Variants in PUS3 observed in about 807,000 individuals in gnomAD.
The protein encoded by PUS3 is pseudouridine synthase 3.
Under a neutral mutation model 43.3 loss-of-function variants are expected in PUS3, and 36 were observed. The ratio of observed to expected loss-of-function variants is 0.83; its 90% CI spans 0.64 to 1.10. The LOEUF is 1.10. Among genes scored for constraint, PUS3 ranks in the 50% least tolerant of loss-of-function variants. PUS3 has a pLI of 0.00. For synonymous variants in PUS3, 183 were observed against 199.2 expected (o/e 0.92, Z 0.69); for missense variants, 544 against 589.9 (o/e 0.92, Z 0.81).
rs745510683 is a variant in PUS3, at chr11:125,895,926, C to T, written c.359G>A (p.Gly120Glu). The change falls in exon 2 of 4, where the codon GGA (glycine) becomes GAA (glutamate). Residue 120 changes from glycine to glutamate, a missense_variant. Transcript: ENST00000227474. ...NYHRCGRTDK[G>E]VSAFGQVISL... ...CCTTACCTGTCCAAAGGCACTAACT[C>T]CTTTATCTGTTCTCCCACATCGGTG... is the stretch of plus-strand genomic sequence containing the variant. 6.2e-7 allele frequency: 1 copy of T among 1,613,352 alleles called. No individual in the cohort carries two copies. The highest frequency in any genetic ancestry group is 1.1e-5 in the South Asian group (1 of 91,084).
At chr11:125,901,000 CTCCGTCTCAA>C (rs1944756041) in intron 1 of PUS3, among the ~76,000 whole-genome samples, 1 of 80,098 alleles carries the variant, frequency 1.2e-5, no homozygotes, top group African/African-American at 4.7e-5. Flanking sequence ...GACAGCGAGA[CTCCGTCTCAA>C]AAAAAAAAAA....
Position 125,894,034 on chromosome 11 carries a change from G to A in PUS3, c.1197C>T (p.Thr399=). 6.2e-7 allele frequency: 1 copy of A among 1,614,180 alleles called. No individual in the cohort carries two copies. The highest frequency in any genetic ancestry group is 8.5e-7 in the Non-Finnish European group (1 of 1,180,016). The part of the protein sequence containing the change: ...GNVKPSVIKQ[T]SAFVEGVKMR... ...TCTTCACTCCTTCTACAAAGGCACT[G>A]GTCTGCTTTATGACAGAGGGCTTAA... Residue 399 remains threonine, a synonymous_variant, in exon 4 of 4, where the codon ACC becomes ACT. Transcript: ENST00000227474.
intron 1 of PUS3, among the ~76,000 whole-genome samples, chr11:125,902,594 A>AGAGCGAGACTCC (rs1944808007): frequency 1.1e-5 from 1 of 89,998 alleles, no homozygotes; most frequent in African/African-American, 4.3e-5. Context: ...CCTGGGCGAC[A>AGAGCGAGACTCC]GTCTTAAAAA....
At chr11:125,900,320 A>G (rs746008145) in intron 1 of PUS3, 7 of 1,541,304 alleles carry the variant, frequency 4.5e-6, no homozygotes, top group Admixed American at 1.7e-5. Flanking sequence ...AGCTCTTTAT[A>G]TCTTCCCTTT....
chr11:125,899,955 T>G (rs1319742909), intron 1 of PUS3: 1 of 1,614,106 alleles, frequency 6.2e-7, no homozygotes, highest in African/African-American at 1.3e-5. Flanking sequence ...AAGTCCTTTA[T>G]TCTCCCAAAG....
At position 125,895,471 on chromosome 11, in the gene PUS3, C is replaced by T. The variant is rs773552329; in HGVS notation, c.697G>A (p.Gly233Ser). 2.4e-5 allele frequency: 38 copies of T among 1,614,024 alleles called. No individual in the cohort carries two copies. In the Middle Eastern group the frequency reaches 4.9e-4, roughly 21 times the overall value. The change falls in exon 3 of 4, where the codon GGT (glycine) becomes AGT (serine). Residue 233 changes from glycine to serine, a missense_variant. Coordinates refer to ENST00000227474, the MANE Select transcript of PUS3 (RefSeq NM_031307.4). ...ATAGTCCTCTGAAAATTAATCACAC[C>T]GTTGGCTACATCCATTTTACACAAG... ...RNLCKMDVAN[G>S]VINFQRTILS...
At chr11:125,894,325 C>T (rs371112159) in intron 3 of PUS3, 39 bp from the exon 4 acceptor site, 3 of 1,517,418 alleles carry the variant, frequency 2.0e-6, no homozygotes, top group Non-Finnish European at 2.7e-6. Flanking sequence ...GAATACATAA[C>T]ATCCATCTAA....
At chr11:125,900,394 A>G in intron 1 of PUS3, 2 of 883,998 alleles carry the variant, frequency 2.3e-6, no homozygotes, top group Admixed American at 2.2e-5. Flanking sequence ...TTCACCTATC[A>G]TTGGTCTTTC....
intron 1 of PUS3, among the ~76,000 whole-genome samples, chr11:125,901,777 C>T (rs952616335): frequency 9.2e-5 from 14 of 152,010 alleles, no homozygotes; most frequent in African/African-American, 3.1e-4. Context: ...TCTTTAAAGA[C>T]ATTAGAATAT....
chr11:125,894,199 A>G lies in PUS3; in HGVS notation c.1032T>C (p.Asn344=). Residue 344 remains asparagine, a synonymous_variant, in exon 4 of 4, where the codon AAT becomes AAC. Coordinates refer to ENST00000227474, the MANE Select transcript of PUS3 (RefSeq NM_031307.4). ...CCCACAGTTGTTGTAGGTGGGTAAT[A>G]TTGAACTCCTGAGCCTCCTGGTCAT... ...WIYDQEAQEF[N]ITHLQQLWAN... is the part of the protein sequence containing the mutation. 1.2e-6 allele frequency: 2 copies of G among 1,614,048 alleles called. No individual in the cohort carries two copies. Among genetic ancestry groups the G allele is most frequent in the East Asian group, 2.2e-5 (1 of 44,890 alleles).
At position 125,900,855 on chromosome 11, in the gene PUS3, A is replaced by C. The variant is rs1425162827; in HGVS notation, c.-47+2315T>G. 3.9e-5 allele frequency: 6 copies of C among 152,874 alleles called. No individual in the cohort carries two copies. The East Asian group carries it at 1.2e-3, about 29-fold the overall frequency. The allele number at this position is 152,874 out of a possible 1,614,324, so 9.5% of individuals were successfully genotyped here. A position where few individuals can be genotyped will look rare whatever the true frequency, so the allele number is the denominator to read the frequency against. Reference sequence around the variant, plus strand: ...GAAACCCCGTCTCTACTAAAAATACAAAAAATTAGCCGGGCGAGGTGGCGG... The same window carrying C: ...GAAACCCCGTCTCTACTAAAAATACCAAAAATTAGCCGGGCGAGGTGGCGG... On this transcript the variant is annotated intron_variant, in intron 1 of 3. Transcript: ENST00000227474.
chr11:125,895,657 C>G lies in PUS3; in HGVS notation c.511G>C (p.Asp171His). 1.2e-6 allele frequency: 2 copies of G among 1,614,212 alleles called. No individual in the cohort carries two copies. The highest frequency in any genetic ancestry group is 1.7e-6 in the Non-Finnish European group (2 of 1,180,036). The change falls in exon 3 of 4, where the codon GAC becomes CAC. Residue 171 changes from aspartate (D) to histidine (H), a missense_variant. By Grantham distance (81) the Asp-to-His change is moderately conservative (BLOSUM62 -1). Coordinates refer to ENST00000227474, the MANE Select transcript of PUS3 (RefSeq NM_031307.4). Reference sequence around the variant, plus strand: ...GGGGCCCAGGCCAATATACGGATGTCTGGAGGGAGTACCCGATTGAGAATG... The same window carrying G: ...GGGGCCCAGGCCAATATACGGATGTGTGGAGGGAGTACCCGATTGAGAATG... Reference protein sequence around the residue: ...THILNRVLPPDIRILAWAPVE... With the variant: ...THILNRVLPPHIRILAWAPVE...
rs1348888368 is a variant in PUS3 at position 125,895,436 on chromosome 11, A to G, written c.732T>C (p.Ala244=). Residue 244 remains alanine (A), a synonymous_variant, in exon 3 of 4, where the codon GCT becomes GCC. Coordinates refer to ENST00000227474, the MANE Select transcript of PUS3 (RefSeq NM_031307.4). The part of the protein sequence containing the change: ...VINFQRTILS[A]QVQLVGQSPG... ...GGCTCTGGCCCACTAGCTGTACTTG[A>G]GCAGATAGAATAGTCCTCTGAAAAT... 8 of 1,613,982 alleles carry G rather than the reference A, an allele frequency of 5.0e-6. No individual in the cohort carries two copies. Among genetic ancestry groups the G allele is most frequent in the Non-Finnish European group, 1.7e-6 (2 of 1,180,012 alleles).
rs748637609 is a variant in PUS3, at chr11:125,895,782, G to A, written c.386C>T (p.Ser129Leu). The change falls in exon 3 of 4, where the codon TCA becomes TTA. Residue 129 changes from serine to leucine, a missense_variant. By Grantham distance (145) the Ser-to-Leu change is moderately radical. Coordinates refer to ENST00000227474, the MANE Select transcript of PUS3 (RefSeq NM_031307.4). ...KGVSAFGQVI[S>L]LDLRSQFPRG... ...TGGAAACTGAGAGCGAAGGTCAAGT[G>A]AGATCACCTGTGGAGTTAGACAAAG... 6.3e-7 allele frequency: 1 copy of A among 1,597,804 alleles called. No individual in the cohort carries two copies. Among genetic ancestry groups the A allele is most frequent in the Admixed American group, 1.7e-5 (1 of 58,970 alleles).
chr11:125,899,549 C>T lies in PUS3; in HGVS notation c.-46-3219G>A, dbSNP rs61746266. ...TAAAGCTTCAGTAGCCCCAGGGAAGCGACCTGCTCTTCCTGTGCAACTACA... is the reference window on the plus strand; with the variant it reads ...TAAAGCTTCAGTAGCCCCAGGGAAGTGACCTGCTCTTCCTGTGCAACTACA... On this transcript the variant is annotated intron_variant, in intron 1 of 3. Coordinates refer to ENST00000227474, the MANE Select transcript of PUS3 (RefSeq NM_031307.4). 9.3e-6 allele frequency: 15 copies of T among 1,614,004 alleles called. No homozygotes were observed. In the Admixed American group the frequency reaches 1.7e-4, roughly 18 times the overall value.
intron 1 of PUS3, among the ~76,000 whole-genome samples, chr11:125,902,822 T>C (rs1249577382): frequency 6.6e-6 from 1 of 152,046 alleles, no homozygotes; most frequent in East Asian, 1.9e-4. Context: ...CACATACTCC[T>C]GGGTTCTCAA....
In PUS3 at chr11:125,894,149, A is replaced by T. The variant is rs779344310; in HGVS notation, c.1082T>A (p.Met361Lys). The T allele has an allele frequency of 2.5e-6, 4 of 1,614,036 alleles. No homozygotes were observed. The highest frequency in any genetic ancestry group is 1.7e-6 in the Non-Finnish European group (2 of 1,179,952). Reference protein sequence around the residue: ...LWANHAVKTHMLYSMLQGLDT... With the variant: ...LWANHAVKTHKLYSMLQGLDT... ...CAGTCCTTGTAGCATACTATACAAC[A>T]TGTGAGTTTTGACAGCATGATTAGC... Residue 361 changes from methionine (M) to lysine (K), a missense_variant, in exon 4 of 4, where the codon ATG becomes AAG. Physicochemically the swap from Met to Lys is moderately conservative, Grantham distance 95 (BLOSUM62 -1). Transcript: ENST00000227474.
At chr11:125,897,746 CTATTAAT>C (rs979747106) in intron 1 of PUS3, among the ~76,000 whole-genome samples, 1 of 152,136 alleles carries the variant, frequency 6.6e-6, no homozygotes, top group African/African-American at 2.4e-5. Flanking sequence ...GACACAAGCT[CTATTAAT>C]GTATGGTCAG....
chr11:125,901,613 CA>C (rs1398304905), intron 1 of PUS3, among the ~76,000 whole-genome samples: 3 of 152,186 alleles, frequency 2.0e-5, no homozygotes, highest in Non-Finnish European at 4.4e-5. Context: ...TTCCCTGTAA[CA>C]TTTAAAGCCA....
Sources: allele counts gnomAD v4.1 joint callset (sites outside exome capture counted in the v4.1 genomes callset), GRCh38; gene constraint gnomAD v4.1.1; transcripts MANE v1.5; gene names NCBI Gene and HGNC (gene_info 2026-07-23, HGNC 2026-07-21).